Variants in MYO1E observed in about 807,000 individuals in gnomAD.
MYO1E encodes unconventional myosin-Ie.
MYO1E carries 68 observed loss-of-function variants against 151.1 expected under a neutral mutation model. The ratio of observed to expected loss-of-function variants is 0.45; its 90% CI spans 0.37 to 0.55. The LOEUF (loss-of-function observed/expected upper bound fraction) is 0.55. Ranked by LOEUF, MYO1E falls within the 20% of genes least tolerant of loss-of-function variation. The pLI is 0.00. For synonymous variants in MYO1E, 601 were observed against 501.7 expected, an observed-to-expected ratio of 1.20 and a Z score of -2.64; for missense variants, 1,363 against 1,389.3, an observed-to-expected ratio of 0.98 and a Z score of 0.30.
chr15:59,227,008 G>A (rs755705826), intron 7 of MYO1E, among the ~76,000 whole-genome samples: 10 of 152,148 alleles, frequency 6.6e-5, no homozygotes, highest in East Asian at 1.9e-4. Context: ...TTCTGGAGAC[G>A]CCTGCCCTGC....
intron 1 of MYO1E, among the ~76,000 whole-genome samples, chr15:59,284,285 C>G (rs1454106546): frequency 6.6e-6 from 1 of 152,186 alleles, no homozygotes; most frequent in East Asian, 1.9e-4. Context: ...GGCCCAGAGT[C>G]TGCTCCAAGG....
At chr15:59,359,154 A>G (rs66595425) in intron 1 of MYO1E, among the ~76,000 whole-genome samples, 20,951 of 151,806 alleles carry the variant, frequency 0.14, 1,666 homozygotes, top group East Asian at 0.29. Context: ...GGTTGGGCAC[A>G]GTAGCTGTCA....
At position 59,210,576 on chromosome 15, in the gene MYO1E, T is replaced by C; in HGVS notation, c.1300A>G (p.Arg434Gly). The C allele has an allele frequency of 6.2e-7, 1 of 1,603,262 alleles. No homozygotes were observed. The highest frequency in any genetic ancestry group is 8.5e-7 in the Non-Finnish European group (1 of 1,170,054). ...EQEEYVQEGI[R>G]WTPIEYFNNK... ...TTAAAGTACTCAATGGGTGTCCATC[T>C]TATTCCCTCTTGAACATATTCTTCC... Residue 434 changes from arginine (R) to glycine (G), a missense_variant, in exon 13 of 28, where the codon AGA becomes GGA. Physicochemically the swap from Arg to Gly is moderately radical, Grantham distance 125. Transcript: ENST00000288235.
intron 1 of MYO1E, among the ~76,000 whole-genome samples, chr15:59,286,408 G>A (rs2080388093): frequency 6.6e-6 from 1 of 152,156 alleles, no homozygotes; most frequent in East Asian, 1.9e-4. Flanking sequence ...GTTTTATAAG[G>A]TTGATGAAAT....
intron 1 of MYO1E, among the ~76,000 whole-genome samples, chr15:59,323,991 A>G (rs1054543621): frequency 6.6e-6 from 1 of 152,078 alleles, no homozygotes; most frequent in African/African-American, 2.4e-5. Context: ...AAAAAAAAAA[A>G]CAAAAACGGA....
At chr15:59,327,125 T>C (rs2080669669) in intron 1 of MYO1E, among the ~76,000 whole-genome samples, 1 of 152,074 alleles carries the variant, frequency 6.6e-6, no homozygotes, top group South Asian at 2.1e-4. Flanking sequence ...AGGCGTTTTC[T>C]CACTTGACTC....
In MYO1E at chr15:59,299,662, G is replaced by C. The variant is rs66484811; in HGVS notation, c.4-27213C>G. ...AAAGAATATAAATGCAATTCACTCC[G>C]AAGTGTGAAATATTACCCCTGGCTA... On this transcript the variant is annotated intron_variant, in intron 1 of 27. Coordinates refer to ENST00000288235, the MANE Select transcript of MYO1E (RefSeq NM_004998.4). Among the ~76,000 whole-genome samples, 51 of 152,142 alleles carry C rather than the reference G, an allele frequency of 3.4e-4. No individual in the cohort carries two copies. The South Asian group carries it at 0.01, about 30-fold the overall frequency.
chr15:59,146,751 A>G (rs945364950), intron 26 of MYO1E, among the ~76,000 whole-genome samples: 24 of 149,540 alleles, frequency 1.6e-4, no homozygotes, highest in African/African-American at 5.9e-4. Context: ...TGTAATATAC[A>G]TATGTTAATA....
intron 1 of MYO1E, among the ~76,000 whole-genome samples, chr15:59,343,570 A>T (rs193203504): frequency 7.4e-4 from 112 of 152,054 alleles, no homozygotes; most frequent in Non-Finnish European, 1.4e-3. Context: ...AAGTTATCTT[A>T]TTATCCCTTT....
chr15:59,167,334 T>G (rs2079568388), intron 22 of MYO1E, among the ~76,000 whole-genome samples: 1 of 152,024 alleles, frequency 6.6e-6, no homozygotes, highest in Non-Finnish European at 1.5e-5. Context: ...GCCACCAGAA[T>G]GAGAAGAAAA....
intron 12 of MYO1E, among the ~76,000 whole-genome samples, chr15:59,211,632 C>T (rs1415756857): frequency 1.3e-5 from 2 of 152,184 alleles, no homozygotes; most frequent in African/African-American, 4.8e-5. Context: ...TAGAGGAACT[C>T]TGATTCCATA....
intron 1 of MYO1E, among the ~76,000 whole-genome samples, chr15:59,361,875 C>T (rs773632124): frequency 5.3e-5 from 8 of 151,754 alleles, no homozygotes; most frequent in Non-Finnish European, 1.0e-4. Flanking sequence ...CTGGCTGTAT[C>T]GCCCAGGCTG....
intron 1 of MYO1E, among the ~76,000 whole-genome samples, chr15:59,296,500 T>A (rs1286706792): frequency 6.6e-6 from 1 of 152,216 alleles, no homozygotes; most frequent in Non-Finnish European, 1.5e-5. Flanking sequence ...CAGGCCAGCA[T>A]GAAGGCCTAG....
chr15:59,184,436 C>T (rs8036783), intron 18 of MYO1E, among the ~76,000 whole-genome samples: 137,689 of 152,214 alleles, frequency 0.9, 62,318 homozygotes, highest in East Asian at 0.97. Flanking sequence ...TCTTCACTCA[C>T]TGCAGCCTCT....
chr15:59,182,532 GA>G (rs1815003451), intron 18 of MYO1E, among the ~76,000 whole-genome samples: 2 of 152,108 alleles, frequency 1.3e-5, no homozygotes, highest in African/African-American at 2.4e-5. Flanking sequence ...CTCAAACCAA[GA>G]AAAGTATGAC....
At chr15:59,151,530 C>T (rs2079478860) in intron 26 of MYO1E, among the ~76,000 whole-genome samples, 2 of 152,322 alleles carry the variant, frequency 1.3e-5, no homozygotes, top group Admixed American at 6.5e-5. Context: ...AGGAATGCTG[C>T]TAGGAGAGAA....
chr15:59,251,165 C>T (rs1220452278), intron 4 of MYO1E, among the ~76,000 whole-genome samples: 1 of 152,190 alleles, frequency 6.6e-6, no homozygotes, highest in East Asian at 1.9e-4. Context: ...CAAACAGAAG[C>T]ATTTCCTATT....
chr15:59,178,652 G>T, intron 18 of MYO1E, 115 bp from the exon 19 acceptor site: 2 of 1,356,012 alleles, frequency 1.5e-6, no homozygotes, highest in Non-Finnish European at 2.0e-6. Flanking sequence ...CAAAGTTACT[G>T]ATCATCTGTT....
At chr15:59,182,078 T>C (rs1384325444) in intron 18 of MYO1E, among the ~76,000 whole-genome samples, 8 of 152,244 alleles carry the variant, frequency 5.3e-5, no homozygotes, top group South Asian at 4.1e-4. Context: ...CCCACTGATA[T>C]AGTGGGACTT....
Sources: gnomAD v4.1 joint callset for allele counts (sites outside exome capture counted in the v4.1 genomes callset) on GRCh38, gnomAD v4.1.1 for gene constraint, MANE v1.5 for transcripts, NCBI Gene and HGNC (gene_info 2026-07-23, HGNC 2026-07-21) for gene names.